COL14A1: variants seen among roughly 807,000 people sequenced by gnomAD.
COL14A1 encodes the protein collagen type XIV alpha 1 chain, also known as collagen alpha-1(XIV) chain.
In COL14A1, 136 loss-of-function variants were observed where a neutral mutation model predicts 230.3. The ratio of observed to expected loss-of-function variants is 0.59; its 90% CI spans 0.51 to 0.68. COL14A1 has a LOEUF of 0.68. COL14A1 is among the 30% of genes least tolerant of loss of function. The probability of loss-of-function intolerance (pLI) is 0.00; values close to 1 mark genes in which losing one functional copy is unlikely to be tolerated. For missense variants in COL14A1, 1,976 were observed against 2,215.8 expected, an observed-to-expected ratio of 0.89 and a Z score of 2.17; for synonymous variants, 792 against 784.1, an observed-to-expected ratio of 1.01 and a Z score of -0.17.
At position 120,314,021 on chromosome 8, in the gene COL14A1, A is replaced by G. The variant is rs762982896; in HGVS notation, c.4545A>G (p.Gly1515=). 10 of 1,607,336 alleles carry G rather than the reference A, an allele frequency of 6.2e-6. No homozygotes were observed. In the African/African-American group the frequency reaches 9.4e-5, roughly 15 times the overall value. The change falls in exon 38 of 48, where the codon GGA becomes GGG. Residue 1515 remains glycine, a synonymous_variant. Coordinates refer to ENST00000297848, the MANE Select transcript of COL14A1 (RefSeq NM_021110.4). ...PQGPSGLSIQ[G]MPGMPGEKGE... is the part of the protein sequence containing the mutation. Reference sequence around the variant, plus strand: ...GACCAAGTGGTCTGTCCATTCAAGGAATGCCCGTGAGTTGTGTTCAAACAT... The same window carrying G: ...GACCAAGTGGTCTGTCCATTCAAGGGATGCCCGTGAGTTGTGTTCAAACAT...
At chr8:120,138,357 G>A (rs1480627346) in intron 1 of COL14A1, among the ~76,000 whole-genome samples, 1 of 152,074 alleles carries the variant, frequency 6.6e-6, no homozygotes, top group Non-Finnish European at 1.5e-5. Flanking sequence ...TCCAGGATTT[G>A]AGGGCAGTTT....
In COL14A1 at chr8:120,191,445, GA is replaced by G. The variant is rs200435445; in HGVS notation, c.437-5345del. 7.1e-3 allele frequency among the ~76,000 whole-genome samples: 1,079 copies of G among 151,600 alleles called. 16 individuals are homozygous for G. The highest frequency in any genetic ancestry group is 0.025 in the African/African-American group (1,028 of 41,380). Reference sequence around the variant, plus strand: ...TAATTTCTGTTCTTTTACATTTGCTGAGGAGAGCTTTACTTCCAACTATGTG... The same window carrying G: ...TAATTTCTGTTCTTTTACATTTGCTGGGAGAGCTTTACTTCCAACTATGTG... On this transcript the variant is annotated intron_variant, in intron 5 of 47. Coordinates refer to ENST00000297848, the MANE Select transcript of COL14A1 (RefSeq NM_021110.4).
At chr8:120,126,353 G>A (rs1418767885) in intron 1 of COL14A1, among the ~76,000 whole-genome samples, 1 of 152,224 alleles carries the variant, frequency 6.6e-6, no homozygotes, top group East Asian at 1.9e-4. Flanking sequence ...GGAGGGTTTT[G>A]GACCTGTCCT....
chr8:120,271,995 G>A (rs1278411263), intron 26 of COL14A1, among the ~76,000 whole-genome samples: 4 of 151,560 alleles, frequency 2.6e-5, no homozygotes, highest in Non-Finnish European at 5.9e-5. Context: ...GACTAGGGTG[G>A]TAGCAATGAG....
intron 22 of COL14A1, 140 bp downstream of exon 22, chr8:120,250,906 C>T: frequency 1.1e-6 from 1 of 896,022 alleles, no homozygotes; most frequent in East Asian, 2.7e-5. Flanking sequence ...CTCCAGGGTT[C>T]AAGTGATTCT....
At chr8:120,156,236 C>T (rs113055634) in intron 2 of COL14A1, among the ~76,000 whole-genome samples, 3,794 of 151,042 alleles carry the variant, frequency 0.025, 54 homozygotes, top group African/African-American at 0.039. Context: ...GTAGCCTGAT[C>T]TCAGCTCCCT....
At chr8:120,349,025 C>G (rs914049174) in intron 45 of COL14A1, among the ~76,000 whole-genome samples, 7 of 152,156 alleles carry the variant, frequency 4.6e-5, no homozygotes, top group Non-Finnish European at 1.0e-4. Context: ...TCTCCCAGCA[C>G]GCAGCTGGAG....
At chr8:120,226,543 T>A in intron 15 of COL14A1, 84 bp from the exon 16 acceptor site, 2 of 1,416,810 alleles carry the variant, frequency 1.4e-6, no homozygotes, top group Non-Finnish European at 1.9e-6. Flanking sequence ...CCTCAAAGAG[T>A]CTTCTACACC....
chr8:120,292,521 T>C (rs148140561), intron 34 of COL14A1, among the ~76,000 whole-genome samples: 81 of 152,244 alleles, frequency 5.3e-4, no homozygotes, highest in Non-Finnish European at 8.1e-4. Flanking sequence ...AAGAATGTGA[T>C]TGGAAACTCA....
intron 9 of COL14A1, 52 bp downstream of exon 9, chr8:120,203,922 G>T (rs1421217166): frequency 6.5e-7 from 1 of 1,533,558 alleles, no homozygotes; most frequent in Non-Finnish European, 8.9e-7. Flanking sequence ...TGGTGCACAA[G>T]CCTATTGTGA....
chr8:120,369,620 C>T, intron 47 of COL14A1, 135 bp downstream of exon 47: 2 of 843,444 alleles, frequency 2.4e-6, no homozygotes, highest in Non-Finnish European at 3.4e-6. Context: ...TGCCTCACTT[C>T]CTTAAATTAT....
intron 15 of COL14A1, among the ~76,000 whole-genome samples, chr8:120,225,737 A>G (rs1466880688): frequency 1.3e-5 from 2 of 152,056 alleles, no homozygotes; most frequent in Non-Finnish European, 2.9e-5. Context: ...TTTCTTTTCT[A>G]TATGTACCCT....
intron 4 of COL14A1, 44 bp from the exon 5 acceptor site, chr8:120,168,117 A>C (rs760887560): frequency 7.5e-7 from 1 of 1,334,454 alleles, no homozygotes; most frequent in East Asian, 2.3e-5. Flanking sequence ...ATTTTCTTTT[A>C]GATTTTAGTA....
intron 34 of COL14A1, among the ~76,000 whole-genome samples, chr8:120,292,019 T>A (rs951835800): frequency 1.3e-5 from 2 of 152,160 alleles, no homozygotes; most frequent in African/African-American, 4.8e-5. Context: ...TTGTATTATA[T>A]CTTTTCTTAA....
intron 16 of COL14A1, 51 bp downstream of exon 16, chr8:120,226,817 C>T (rs1191459407): frequency 6.4e-7 from 1 of 1,554,040 alleles, no homozygotes; most frequent in Non-Finnish European, 8.8e-7. Context: ...TAGTGAATAC[C>T]TACTGCTGCT....
intron 13 of COL14A1, among the ~76,000 whole-genome samples, chr8:120,215,510 G>T (rs11994477): frequency 6.6e-6 from 1 of 152,132 alleles, no homozygotes; most frequent in Non-Finnish European, 1.5e-5. Flanking sequence ...CATTTGGAAG[G>T]TTTTGTGCAG....
chr8:120,214,655 G>A (rs780290620), intron 13 of COL14A1, among the ~76,000 whole-genome samples: 13 of 152,146 alleles, frequency 8.5e-5, no homozygotes, highest in Non-Finnish European at 1.3e-4. Flanking sequence ...TTCAATGAAT[G>A]TTTATTGAGT....
intron 3 of COL14A1, among the ~76,000 whole-genome samples, chr8:120,161,101 C>A (rs1815652463): frequency 6.6e-6 from 1 of 152,154 alleles, no homozygotes; most frequent in Admixed American, 6.5e-5. Context: ...ACATCTTGAA[C>A]ATAAACGCAC....
intron 13 of COL14A1, among the ~76,000 whole-genome samples, 188 bp downstream of exon 13, chr8:120,212,765 G>A (rs1005969806): frequency 4.6e-5 from 7 of 152,286 alleles, no homozygotes; most frequent in Non-Finnish European, 5.9e-5. Context: ...TGATAAGGTT[G>A]CCAGAACCAA....
Sources: gnomAD v4.1 joint callset for allele counts (sites outside exome capture counted in the v4.1 genomes callset) on GRCh38, gnomAD v4.1.1 for gene constraint, MANE v1.5 for transcripts, NCBI Gene and HGNC (gene_info 2026-07-23, HGNC 2026-07-21) for gene names.